The following CNBD1 variants were observed in gnomAD, a reference collection of about 807,000 sequenced individuals.
CNBD1 encodes the protein cyclic nucleotide binding domain containing 1, also known as cyclic nucleotide-binding domain-containing protein 1.
Under a neutral mutation model 54.4 loss-of-function variants are expected in CNBD1, and 71 were observed. The observed-to-expected ratio is 1.30, with a 90% CI of 1.08 to 1.59. The LOEUF (loss-of-function observed/expected upper bound fraction) is 1.59. CNBD1 is among the 40% of genes most tolerant of loss of function. The probability of loss-of-function intolerance (pLI) is 0.00; values close to 1 mark genes in which losing one functional copy is unlikely to be tolerated. For synonymous variants in CNBD1, 182 were observed against 170.7 expected (o/e 1.07, Z -0.51); for missense variants, 659 against 518.0 (o/e 1.27, Z -2.64).
intron 6 of CNBD1, among the ~76,000 whole-genome samples, chr8:87,243,772 C>G (rs1329874839): frequency 6.6e-6 from 1 of 152,010 alleles, no homozygotes; most frequent in African/African-American, 2.4e-5. Flanking sequence ...AAAATCAAAA[C>G]TATTTCAATT....
intron 4 of CNBD1, among the ~76,000 whole-genome samples, chr8:87,160,624 G>A (rs1042057577): frequency 1.3e-5 from 2 of 152,068 alleles, no homozygotes; most frequent in Non-Finnish European, 2.9e-5. Flanking sequence ...CTTTGAGGAA[G>A]ACTTTCTCTA....
chr8:87,261,983 A>G (rs1241948025), intron 6 of CNBD1, among the ~76,000 whole-genome samples: 2 of 57,616 alleles, frequency 3.5e-5, no homozygotes, highest in African/African-American at 8.3e-5. Context: ...CTGTCTTTAC[A>G]AAAAAAAAAA....
chr8:87,315,878 G>T (rs1809374744), intron 8 of CNBD1, among the ~76,000 whole-genome samples: 1 of 151,964 alleles, frequency 6.6e-6, no homozygotes, highest in Admixed American at 6.6e-5. Context: ...TCACAAAAAA[G>T]AATAAATGTT....
chr8:87,250,668 CA>C (rs1338276743), intron 6 of CNBD1, among the ~76,000 whole-genome samples: 1 of 152,046 alleles, frequency 6.6e-6, no homozygotes, highest in Non-Finnish European at 1.5e-5. Context: ...CTATCATTTA[CA>C]ACAACATAGA....
chr8:86,886,904 A>G (rs1279197255), intron 1 of CNBD1, among the ~76,000 whole-genome samples: 1 of 152,146 alleles, frequency 6.6e-6, no homozygotes, highest in African/African-American at 2.4e-5. Flanking sequence ...TTTCCATCTA[A>G]TTTGAAGGAT....
chr8:87,349,660 C>A (rs72668626), intron 8 of CNBD1, among the ~76,000 whole-genome samples: 24,375 of 152,196 alleles, frequency 0.16, 2,686 homozygotes, highest in African/African-American at 0.32. Flanking sequence ...CAGGCGTGAG[C>A]CACCGCGCCT....
chr8:87,241,493 T>C lies in CNBD1; in HGVS notation c.771+4381T>C, dbSNP rs893524743. Among the ~76,000 whole-genome samples the C allele has an allele frequency of 1.2e-4, 18 of 152,066 alleles. 1 individual carries two copies. Among genetic ancestry groups the C allele is most frequent in the African/African-American group, 3.1e-4 (13 of 41,478 alleles). On this transcript the variant is annotated intron_variant, in intron 6 of 10. Transcript: ENST00000518476. ...TTCACCGTGTTAGCCAGGATCGTCTTGATCTCCTGACCTCGTGATCCACCC... is the reference window on the plus strand; with the variant it reads ...TTCACCGTGTTAGCCAGGATCGTCTCGATCTCCTGACCTCGTGATCCACCC...
chr8:87,381,372 C>T (rs902738293), intron 10 of CNBD1, among the ~76,000 whole-genome samples: 2 of 151,892 alleles, frequency 1.3e-5, no homozygotes, highest in Admixed American at 6.6e-5. Flanking sequence ...TTTAAAAACA[C>T]AAAAGAGAAG....
chr8:87,175,270 G>A (rs1813174109), intron 4 of CNBD1, among the ~76,000 whole-genome samples: 1 of 150,368 alleles, frequency 6.7e-6, no homozygotes, highest in Admixed American at 6.6e-5. Context: ...TGCAAGCAAA[G>A]TCTCCTTTAC....
intron 4 of CNBD1, among the ~76,000 whole-genome samples, chr8:87,157,527 C>T (rs1323241118): frequency 6.6e-6 from 1 of 152,172 alleles, no homozygotes; most frequent in African/African-American, 2.4e-5. Flanking sequence ...CATAGGGACA[C>T]ATTTGGTATT....
At chr8:87,237,265 T>C (rs1807603482) in intron 6 of CNBD1, 153 bp downstream of exon 6, 3 of 442,660 alleles carry the variant, frequency 6.8e-6, no homozygotes. Flanking sequence ...TTATTAATAC[T>C]TACATTTGAT....
At chr8:87,005,951 G>A (rs116037457) in intron 4 of CNBD1, among the ~76,000 whole-genome samples, 1 of 152,290 alleles carries the variant, frequency 6.6e-6, no homozygotes, top group African/African-American at 2.4e-5. Context: ...GAGGCTGGGA[G>A]AAGATTTGTA....
At chr8:86,942,540 A>G (rs907006136) in intron 4 of CNBD1, among the ~76,000 whole-genome samples, 2 of 152,112 alleles carry the variant, frequency 1.3e-5, no homozygotes, top group Admixed American at 1.3e-4. Context: ...CCCTCTTTCT[A>G]CTAGAGACTC....
intron 3 of CNBD1, among the ~76,000 whole-genome samples, chr8:86,926,446 A>T (rs1809362507): frequency 6.6e-6 from 1 of 152,168 alleles, no homozygotes; most frequent in African/African-American, 2.4e-5. Flanking sequence ...TCCTGGGGGA[A>T]ACAAATTTGA....
chr8:87,195,497 G>A (rs1367998384), intron 4 of CNBD1, among the ~76,000 whole-genome samples: 3 of 151,102 alleles, frequency 2.0e-5, no homozygotes, highest in Non-Finnish European at 4.4e-5. Context: ...CAAAGTGCTG[G>A]GATTACAGGC....
rs568823213 is a variant in CNBD1 at position 87,368,292 on chromosome 8, A to T, written c.1304-14328A>T. Among the ~76,000 whole-genome samples, 289 of 152,126 alleles carry T rather than the reference A, an allele frequency of 1.9e-3. 1 individual carries two copies. Among genetic ancestry groups the T allele is most frequent in the South Asian group, 5.8e-3 (28 of 4,828 alleles). On this transcript the variant is annotated intron_variant, in intron 10 of 10. Transcript: ENST00000518476. ...CTGTCAAAAAACAATATATCCCAAT[A>T]AATCTTAAGTTTTGGAAGGGCAGAC... is the stretch of plus-strand genomic sequence containing the variant.
chr8:86,996,815 G>A (rs1485142845), intron 4 of CNBD1, among the ~76,000 whole-genome samples: 2 of 152,154 alleles, frequency 1.3e-5, no homozygotes, highest in African/African-American at 4.8e-5. Flanking sequence ...CAATGACAAT[G>A]TATTTATTAC....
intron 4 of CNBD1, among the ~76,000 whole-genome samples, chr8:87,028,168 A>T (rs925751040): frequency 7.2e-5 from 11 of 152,174 alleles, no homozygotes; most frequent in African/African-American, 1.9e-4. Flanking sequence ...TCCTTTAAAA[A>T]TTTGAGAAAT....
chr8:86,946,705 A>T (rs1407415065), intron 4 of CNBD1, among the ~76,000 whole-genome samples: 1 of 109,548 alleles, frequency 9.1e-6, no homozygotes, highest in Non-Finnish European at 2.1e-5. Flanking sequence ...GTTGTATTAC[A>T]GATTTAATAA....
Sources: gnomAD v4.1 joint callset for allele counts (sites outside exome capture counted in the v4.1 genomes callset) on GRCh38, gnomAD v4.1.1 for gene constraint, MANE v1.5 for transcripts, NCBI Gene and HGNC (gene_info 2026-07-23, HGNC 2026-07-21) for gene names.